TMEM135: variants seen among roughly 807,000 people sequenced by gnomAD.
TMEM135 encodes the protein transmembrane protein 135.
Under a neutral mutation model 60.3 loss-of-function variants are expected in TMEM135, and 30 were observed. The ratio of observed to expected loss-of-function variants is 0.50; its 90% CI spans 0.37 to 0.68. TMEM135 has a LOEUF of 0.68. Ranked by LOEUF, TMEM135 falls within the 30% of genes least tolerant of loss-of-function variation. TMEM135 has a pLI of 0.00. For synonymous variants in TMEM135, 190 were observed against 186.7 expected, an observed-to-expected ratio of 1.02 and a Z score of -0.14; for missense variants, 468 against 548.8, an observed-to-expected ratio of 0.85 and a Z score of 1.47.
intron 5 of TMEM135, among the ~76,000 whole-genome samples, chr11:87,234,010 A>T (rs2135370700): frequency 6.6e-6 from 1 of 152,278 alleles, no homozygotes; most frequent in Non-Finnish European, 1.5e-5. Context: ...TTAAAAACTT[A>T]GCTAAAAATG....
At chr11:87,310,775 C>T (rs1942627362) in intron 10 of TMEM135, among the ~76,000 whole-genome samples, 1 of 150,914 alleles carries the variant, frequency 6.6e-6, no homozygotes, top group Non-Finnish European at 1.5e-5. Context: ...GCCTCTATGA[C>T]TGTGAAAAAA....
chr11:87,176,542 A>G (rs1939372741), intron 5 of TMEM135, among the ~76,000 whole-genome samples: 1 of 152,214 alleles, frequency 6.6e-6, no homozygotes, highest in Non-Finnish European at 1.5e-5. Context: ...GGGATGTGGC[A>G]GGTCAGAACA....
chr11:87,241,512 C>T (rs1449098334), intron 6 of TMEM135, among the ~76,000 whole-genome samples: 1 of 152,014 alleles, frequency 6.6e-6, no homozygotes, highest in Admixed American at 6.6e-5. Context: ...TACAAACATT[C>T]TAATTATATT....
At chr11:87,286,612 C>T (rs570882000) in intron 6 of TMEM135, among the ~76,000 whole-genome samples, 52 of 152,298 alleles carry the variant, frequency 3.4e-4, no homozygotes, top group African/African-American at 1.3e-3. Flanking sequence ...TGGGAGCACA[C>T]CACGGGGTGG....
rs1017243116 is a variant in TMEM135, at chr11:87,323,533, T to C, written c.*2200T>C. 6.6e-6 allele frequency: 3 copies of C among 453,046 alleles called. No individual in the cohort carries two copies. The highest frequency in any genetic ancestry group is 2.0e-5 in the African/African-American group (1 of 49,860). The allele number at this position is 453,046 out of a possible 1,614,324, so 28.1% of individuals were successfully genotyped here. A position where few individuals can be genotyped will look rare whatever the true frequency, so the allele number is the denominator to read the frequency against. On this transcript the variant is annotated 3_prime_UTR_variant, in exon 15 of 15. Coordinates refer to ENST00000305494, the MANE Select transcript of TMEM135 (RefSeq NM_022918.4). Reference sequence around the variant, plus strand: ...AAATAGATCTCTGCATTCCAAAATATGTTTTTTAGTTTATTTATATCCTGA... The same window carrying C: ...AAATAGATCTCTGCATTCCAAAATACGTTTTTTAGTTTATTTATATCCTGA...
At chr11:87,133,773 A>G (rs940935936) in intron 4 of TMEM135, among the ~76,000 whole-genome samples, 9 of 150,010 alleles carry the variant, frequency 6.0e-5, no homozygotes, top group Middle Eastern at 3.4e-3. Flanking sequence ...AGTTTTATAT[A>G]AATGGAATCA....
At chr11:87,169,527 T>C (rs1939169388) in intron 5 of TMEM135, among the ~76,000 whole-genome samples, 1 of 152,010 alleles carries the variant, frequency 6.6e-6, no homozygotes, top group Non-Finnish European at 1.5e-5. Context: ...CATTTGCTTG[T>C]CTGTAAAGGA....
At chr11:87,250,752 A>G (rs1420285382) in intron 6 of TMEM135, among the ~76,000 whole-genome samples, 1 of 152,236 alleles carries the variant, frequency 6.6e-6, no homozygotes, top group Non-Finnish European at 1.5e-5. Context: ...GCCTAAATAA[A>G]TCAAATTATA....
chr11:87,322,443 A>G lies in TMEM135; in HGVS notation c.*1110A>G, dbSNP rs1348099243. 2 of 453,896 alleles carry G rather than the reference A, an allele frequency of 4.4e-6. No individual in the cohort carries two copies. The highest frequency in any genetic ancestry group is 8.8e-6 in the Non-Finnish European group (2 of 226,740). The allele number at this position is 453,896 out of a possible 1,614,324, so 28.1% of individuals were successfully genotyped here. On this transcript the variant is annotated 3_prime_UTR_variant, in exon 15 of 15. Transcript: ENST00000305494. Reference sequence around the variant, plus strand: ...ACTGTTAGAATAAAGAGGTGACACCATAAAGTCCTGCTGATAATGAGAGTA... The same window carrying G: ...ACTGTTAGAATAAAGAGGTGACACCGTAAAGTCCTGCTGATAATGAGAGTA...
At chr11:87,128,017 C>T (rs1206082614) in intron 4 of TMEM135, among the ~76,000 whole-genome samples, 2 of 152,190 alleles carry the variant, frequency 1.3e-5, no homozygotes, top group Non-Finnish European at 2.9e-5. Flanking sequence ...TGTTCTATCT[C>T]ATCATGCTTG....
intron 5 of TMEM135, among the ~76,000 whole-genome samples, chr11:87,232,655 T>C (rs1165097980): frequency 6.6e-6 from 1 of 152,154 alleles, no homozygotes; most frequent in Non-Finnish European, 1.5e-5. Context: ...AATTTAGATG[T>C]ATCTGTACAT....
At chr11:87,183,238 G>A (rs1399771692) in intron 5 of TMEM135, among the ~76,000 whole-genome samples, 1 of 149,444 alleles carries the variant, frequency 6.7e-6, no homozygotes, top group African/African-American at 2.5e-5. Context: ...TGCCTCCTGG[G>A]TTCAAGCGAT....
chr11:87,157,319 G>GT (rs59532014), intron 4 of TMEM135, 22 bp from the exon 5 acceptor site: 58,452 of 1,198,462 alleles, frequency 0.049, 18 homozygotes, highest in Non-Finnish European at 0.058. Context: ...TATTTTTGCT[G>GT]TTTTTTTTTT....
intron 4 of TMEM135, among the ~76,000 whole-genome samples, chr11:87,133,754 A>C (rs1026479655): frequency 2.0e-5 from 3 of 151,778 alleles, no homozygotes; most frequent in Non-Finnish European, 4.4e-5. Flanking sequence ...ATTAGTTTGC[A>C]TTTTCTGGAG....
chr11:87,271,242 T>C (rs1941855841), intron 6 of TMEM135, among the ~76,000 whole-genome samples: 1 of 152,196 alleles, frequency 6.6e-6, no homozygotes, highest in Non-Finnish European at 1.5e-5. Flanking sequence ...GCTGTTCAAT[T>C]TGATCAATAA....
At chr11:87,291,298 G>A (rs1042751538) in intron 6 of TMEM135, among the ~76,000 whole-genome samples, 11 of 152,010 alleles carry the variant, frequency 7.2e-5, no homozygotes, top group Non-Finnish European at 1.6e-4. Context: ...ATGAGTGGCC[G>A]TATTATCCTT....
At chr11:87,185,407 A>G (rs1350110324) in intron 5 of TMEM135, among the ~76,000 whole-genome samples, 1 of 152,106 alleles carries the variant, frequency 6.6e-6, no homozygotes, top group Non-Finnish European at 1.5e-5. Context: ...AAAGCTTCTC[A>G]CAGTCTGATT....
At chr11:87,058,974 G>T (rs1949920148) in intron 1 of TMEM135, among the ~76,000 whole-genome samples, 1 of 149,248 alleles carries the variant, frequency 6.7e-6, no homozygotes, top group South Asian at 2.1e-4. Flanking sequence ...GTCTCGCTCT[G>T]TCACCCAGGC....
intron 5 of TMEM135, among the ~76,000 whole-genome samples, chr11:87,218,187 C>G (rs1186644243): frequency 6.6e-6 from 1 of 152,020 alleles, no homozygotes; most frequent in East Asian, 1.9e-4. Flanking sequence ...ATGAGCCCCA[C>G]CCAGACAACA....
Sources: gnomAD v4.1 joint callset for allele counts (sites outside exome capture counted in the v4.1 genomes callset) on GRCh38, gnomAD v4.1.1 for gene constraint, MANE v1.5 for transcripts, NCBI Gene and HGNC (gene_info 2026-07-23, HGNC 2026-07-21) for gene names.